RANBP2: variants seen among roughly 807,000 people sequenced by gnomAD.
RANBP2 encodes the protein E3 SUMO-protein ligase RanBP2.
A neutral mutation model predicts 303.6 loss-of-function variants in RANBP2; 57 were observed. That is an observed-to-expected ratio of 0.19 (90% CI 0.15 to 0.23). RANBP2 has a LOEUF of 0.23. Ranked by LOEUF, RANBP2 falls within the 10% of genes least tolerant of loss-of-function variation. The pLI is 1.00. For missense variants in RANBP2, 3,138 were observed against 3,780.8 expected, an observed-to-expected ratio of 0.83 and a Z score of 4.46; for synonymous variants, 1,167 against 1,301.5, an observed-to-expected ratio of 0.90 and a Z score of 2.23.
chr2:108,817,259 A>C, the RANBP2 span, among the ~76,000 whole-genome samples: 3 of 151,994 alleles, frequency 2.0e-5, no homozygotes, highest in African/African-American at 7.2e-5. Flanking sequence ...GAAGATGGAG[A>C]AAGAGGGCCA....
At chr2:109,295,146 C>G in the RANBP2 span, among the ~76,000 whole-genome samples, 5 of 152,198 alleles carry the variant, frequency 3.3e-5, no homozygotes, top group Non-Finnish European at 2.9e-5. Flanking sequence ...GTACGGAGCA[C>G]CCACGCCTGG....
At chr2:109,717,271 CCAAAAA>C in the RANBP2 span, among the ~76,000 whole-genome samples, 1 of 80,830 alleles carries the variant, frequency 1.2e-5, no homozygotes, top group Non-Finnish European at 2.9e-5. Context: ...TAAAAACAAA[CCAAAAA>C]AAAAAAAAAA....
the RANBP2 span, among the ~76,000 whole-genome samples, chr2:109,678,023 C>G: frequency 6.6e-6 from 1 of 152,142 alleles, no homozygotes; most frequent in Non-Finnish European, 1.5e-5. Flanking sequence ...TGGTGGCTCC[C>G]GCAGCAGGGG....
At chr2:108,729,598 A>C (rs1318541732) in intron 2 of RANBP2, among the ~76,000 whole-genome samples, 4 of 152,218 alleles carry the variant, frequency 2.6e-5, no homozygotes, top group Admixed American at 1.3e-4. Context: ...CTTGTATAAA[A>C]GATGTTTAAT....
At chr2:108,781,165 T>C (rs1254508737) in intron 25 of RANBP2, 104 bp from the exon 26 acceptor site, 2 of 1,136,924 alleles carry the variant, frequency 1.8e-6, no homozygotes, top group Non-Finnish European at 2.6e-6. Context: ...AAAATTGATG[T>C]ACATATTACA....
At chr2:108,820,712 A>AAC in the RANBP2 span, among the ~76,000 whole-genome samples, 11 of 22,568 alleles carry the variant, frequency 4.9e-4, no homozygotes, top group Admixed American at 8.7e-4. Flanking sequence ...AAAAAAAAAA[A>AAC]AAACAAACAA....
the RANBP2 span, among the ~76,000 whole-genome samples, chr2:109,249,475 T>C: frequency 3.6e-3 from 66 of 18,280 alleles, 1 homozygote; most frequent in African/African-American, 0.025. Flanking sequence ...TTCTCTTTCT[T>C]TCTTTCTTTC....
chr2:109,186,799 G>A, the RANBP2 span, among the ~76,000 whole-genome samples: 21 of 152,154 alleles, frequency 1.4e-4, no homozygotes, highest in African/African-American at 4.6e-4. Context: ...ACTGCCTTAG[G>A]TTCCACCTAC....
the RANBP2 span, among the ~76,000 whole-genome samples, chr2:108,793,352 C>T: frequency 6.6e-6 from 1 of 151,752 alleles, no homozygotes; most frequent in African/African-American, 2.4e-5. Flanking sequence ...AACAAAACAA[C>T]AACAAAAAAA....
the RANBP2 span, among the ~76,000 whole-genome samples, chr2:109,572,045 C>T: frequency 1.3e-5 from 2 of 152,170 alleles, no homozygotes; most frequent in African/African-American, 4.8e-5. Flanking sequence ...TTCATATATG[C>T]CAGGCATTGT....
chr2:109,645,170 C>A, the RANBP2 span, among the ~76,000 whole-genome samples: 1 of 152,194 alleles, frequency 6.6e-6, no homozygotes, highest in Non-Finnish European at 1.5e-5. Flanking sequence ...CTTCATGGGC[C>A]CCAGAAATTA....
the RANBP2 span, among the ~76,000 whole-genome samples, chr2:109,345,146 G>A: frequency 2.0e-5 from 3 of 152,202 alleles, no homozygotes; most frequent in Non-Finnish European, 4.4e-5. Flanking sequence ...CTGCCTGGTG[G>A]AAGATGCCTC....
the RANBP2 span, among the ~76,000 whole-genome samples, chr2:109,012,953 G>A: frequency 6.6e-6 from 1 of 152,102 alleles, no homozygotes; most frequent in Non-Finnish European, 1.5e-5. Flanking sequence ...TTCAGAGAGA[G>A]GAACTTTGTA....
the RANBP2 span, among the ~76,000 whole-genome samples, chr2:109,472,150 C>T: frequency 6.6e-6 from 1 of 152,198 alleles, no homozygotes; most frequent in African/African-American, 2.4e-5. Context: ...CACCTGTGAC[C>T]TCATGGTAGC....
chr2:108,883,009 TC>T, the RANBP2 span: 1 of 152,126 alleles, frequency 6.6e-6, no homozygotes, highest in Non-Finnish European at 1.5e-5. Context: ...GACCTTGTCT[TC>T]TTTATATAGG....
the RANBP2 span, among the ~76,000 whole-genome samples, chr2:109,267,686 G>A: frequency 6.6e-6 from 1 of 152,170 alleles, no homozygotes; most frequent in Non-Finnish European, 1.5e-5. Context: ...AGCCCCACCC[G>A]TGATCCCCTT....
chr2:108,908,508 G>A, the RANBP2 span, among the ~76,000 whole-genome samples: 1 of 152,130 alleles, frequency 6.6e-6, no homozygotes, highest in African/African-American at 2.4e-5. Context: ...CTTGTGCCTG[G>A]AAAGCCCCCT....
At chr2:109,375,069 A>G in the RANBP2 span, among the ~76,000 whole-genome samples, 1 of 152,150 alleles carries the variant, frequency 6.6e-6, no homozygotes, top group Non-Finnish European at 1.5e-5. Flanking sequence ...GGACATACGT[A>G]CATTTCCCTC....
At chr2:108,848,418 A>C in the RANBP2 span, among the ~76,000 whole-genome samples, 1 of 152,202 alleles carries the variant, frequency 6.6e-6, no homozygotes, top group African/African-American at 2.4e-5. Flanking sequence ...CTCTGTATTA[A>C]TCGAGGGCTT....
Sources: gnomAD v4.1 joint callset for allele counts (sites outside exome capture counted in the v4.1 genomes callset) on GRCh38, gnomAD v4.1.1 for gene constraint, MANE v1.5 for transcripts, NCBI Gene and HGNC (gene_info 2026-07-23, HGNC 2026-07-21) for gene names.